Variants in NDST4 observed in about 807,000 individuals in gnomAD.
NDST4 encodes the protein N-deacetylase and N-sulfotransferase 4, also known as N-heparan sulfate sulfotransferase 4.
Under a neutral mutation model 100.8 loss-of-function variants are expected in NDST4, and 63 were observed. The observed-to-expected ratio is 0.62, with a 90% CI of 0.51 to 0.77. NDST4 has a LOEUF of 0.77. Ranked by LOEUF, NDST4 falls within the 30% of genes least tolerant of loss-of-function variation. The pLI is 0.00. For missense variants in NDST4, 943 were observed against 1,018.4 expected (o/e 0.93, Z 1.01); for synonymous variants, 377 against 361.8 (o/e 1.04, Z -0.48).
chr4:114,996,203 C>T (rs564705068), intron 2 of NDST4, among the ~76,000 whole-genome samples: 26 of 152,018 alleles, frequency 1.7e-4, no homozygotes, highest in African/African-American at 5.8e-4. Flanking sequence ...TCCCCTATGC[C>T]GTTCTTGTGA....
intron 6 of NDST4, among the ~76,000 whole-genome samples, chr4:114,907,234 C>T (rs28412091): frequency 0.048 from 7,343 of 152,122 alleles, 585 homozygotes; most frequent in African/African-American, 0.17. Context: ...CTTGGATTCA[C>T]TGTAGATGGA....
intron 4 of NDST4, among the ~76,000 whole-genome samples, chr4:114,953,026 T>G (rs1726053392): frequency 6.6e-6 from 1 of 151,098 alleles, no homozygotes; most frequent in African/African-American, 2.4e-5. Context: ...TTTTCTTTTT[T>G]TTTTTCTTTT....
intron 6 of NDST4, among the ~76,000 whole-genome samples, chr4:114,930,356 T>A (rs1248831019): frequency 6.6e-6 from 1 of 152,204 alleles, no homozygotes; most frequent in Admixed American, 6.5e-5. Flanking sequence ...CCAAGTGTGG[T>A]GCCATTAAAC....
At chr4:115,021,570 ACATATACACATTCCATATATACACACG>A (rs1727824691) in intron 2 of NDST4, among the ~76,000 whole-genome samples, 1 of 56,644 alleles carries the variant, frequency 1.8e-5, no homozygotes, top group African/African-American at 6.4e-5. Flanking sequence ...CACACGTTCC[ACATATACACATTCCATATATACACACG>A]TTCCACATAT....
intron 2 of NDST4, among the ~76,000 whole-genome samples, chr4:114,998,921 T>C (rs1727222669): frequency 6.6e-6 from 1 of 152,034 alleles, no homozygotes; most frequent in Non-Finnish European, 1.5e-5. Context: ...TTTCCCCCTA[T>C]TGTGTGGCCT....
chr4:115,033,129 GTGTATATATATA>G (rs1373052436), intron 2 of NDST4, among the ~76,000 whole-genome samples: 11 of 55,898 alleles, frequency 2.0e-4, no homozygotes, highest in African/African-American at 7.2e-4. Context: ...ATATATATAT[GTGTATATATATA>G]TATATATATA....
At chr4:114,970,618 A>G (rs1726491896) in intron 3 of NDST4, 34 bp from the exon 4 acceptor site, 2 of 1,568,824 alleles carry the variant, frequency 1.3e-6, no homozygotes, top group Admixed American at 1.8e-5. Flanking sequence ...AACTTTAGTG[A>G]AAATTTCTTA....
chr4:114,930,469 C>G (rs1272101535), intron 6 of NDST4, among the ~76,000 whole-genome samples: 1 of 152,096 alleles, frequency 6.6e-6, no homozygotes, highest in Non-Finnish European at 1.5e-5. Flanking sequence ...ACTTTCTTAT[C>G]TTCCAGTCAA....
intron 1 of NDST4, among the ~76,000 whole-genome samples, chr4:115,095,809 G>C (rs894115173): frequency 6.6e-6 from 1 of 151,818 alleles, no homozygotes; most frequent in African/African-American, 2.4e-5. Context: ...TTGTTAACAG[G>C]CCCCATAGTC....
At chr4:115,030,664 A>G (rs1728095388) in intron 2 of NDST4, among the ~76,000 whole-genome samples, 3 of 152,130 alleles carry the variant, frequency 2.0e-5, no homozygotes, top group Admixed American at 1.3e-4. Flanking sequence ...TATAATACTG[A>G]TCATATAAGT....
intron 6 of NDST4, chr4:114,934,975 C>A: frequency 4.5e-6 from 1 of 220,484 alleles, no homozygotes; most frequent in Non-Finnish European, 8.7e-6. Flanking sequence ...ATAAACTTTT[C>A]ACTACCCACA....
At chr4:114,987,177 T>C (rs1374403547) in intron 2 of NDST4, among the ~76,000 whole-genome samples, 3 of 152,042 alleles carry the variant, frequency 2.0e-5, no homozygotes, top group African/African-American at 7.2e-5. Context: ...ATAACATACA[T>C]ATACATATAC....
intron 12 of NDST4, among the ~76,000 whole-genome samples, chr4:114,832,205 G>A (rs561303248): frequency 3.3e-5 from 5 of 152,126 alleles, no homozygotes; most frequent in Non-Finnish European, 5.9e-5. Context: ...AGGAAGCTTC[G>A]TTTACTTAAT....
chr4:114,952,575 A>G (rs1358913382), intron 4 of NDST4, among the ~76,000 whole-genome samples: 1 of 152,132 alleles, frequency 6.6e-6, no homozygotes, highest in Non-Finnish European at 1.5e-5. Flanking sequence ...AGAAGTATGA[A>G]TATTAATAGC....
intron 4 of NDST4, among the ~76,000 whole-genome samples, chr4:114,940,419 G>C (rs1225875693): frequency 6.6e-6 from 1 of 152,178 alleles, no homozygotes; most frequent in East Asian, 1.9e-4. Flanking sequence ...ATTTTCCCTT[G>C]ATAATTCCTA....
At position 114,896,926 on chromosome 4, in the gene NDST4, T is replaced by C. The variant is rs141545350; in HGVS notation, c.1537-25976A>G. 9.9e-3 allele frequency among the ~76,000 whole-genome samples: 1,514 copies of C among 152,264 alleles called. 19 individuals carry two copies. The highest frequency in any genetic ancestry group is 0.034 in the Middle Eastern group (10 of 294). ...TTATTATTTCTTAGTAGACTATTGT[T>C]TAGATCAATTTTCGGTTCAGAGCAT... On this transcript the variant is annotated intron_variant, in intron 6 of 13. Coordinates refer to ENST00000264363, the MANE Select transcript of NDST4 (RefSeq NM_022569.3).
At chr4:114,955,573 C>T (rs1476260447) in intron 4 of NDST4, among the ~76,000 whole-genome samples, 2 of 152,170 alleles carry the variant, frequency 1.3e-5, no homozygotes, top group Admixed American at 1.3e-4. Context: ...AATAAAGATG[C>T]TGCTGCCATA....
rs754357816 is a variant in NDST4, at chr4:114,895,201, TG to T, written c.1537-24252del. On this transcript the variant is annotated intron_variant, in intron 6 of 13. Coordinates refer to ENST00000264363, the MANE Select transcript of NDST4 (RefSeq NM_022569.3). ...CAAGAAAATCAACGAATCCAGGAGC[TG>T]GGTTTTTGAAAAAAATTAACAAAAT... 8.2e-4 allele frequency among the ~76,000 whole-genome samples: 125 copies of T among 151,918 alleles called. 1 individual carries two copies. Among genetic ancestry groups the T allele is most frequent in the South Asian group, 2.1e-3 (10 of 4,814 alleles).
At chr4:115,091,722 G>A (rs1195254460) in intron 1 of NDST4, among the ~76,000 whole-genome samples, 1 of 152,080 alleles carries the variant, frequency 6.6e-6, no homozygotes, top group Non-Finnish European at 1.5e-5. Context: ...GAAAGATAAC[G>A]TATCATTAGG....
Sources: gnomAD v4.1 joint callset for allele counts (sites outside exome capture counted in the v4.1 genomes callset) on GRCh38, gnomAD v4.1.1 for gene constraint, MANE v1.5 for transcripts, NCBI Gene and HGNC (gene_info 2026-07-23, HGNC 2026-07-21) for gene names.